OTOGL: variants seen among roughly 807,000 people sequenced by gnomAD.
OTOGL encodes the protein otogelin-like protein.
OTOGL carries 285 observed loss-of-function variants against 318.5 expected under a neutral mutation model. The observed-to-expected ratio is 0.89, with a 90% CI of 0.81 to 0.99. OTOGL has a LOEUF of 0.99. Ranked by LOEUF, OTOGL falls within the 50% of genes least tolerant of loss-of-function variation. OTOGL has a pLI of 0.00. For missense variants in OTOGL, 2,899 were observed against 2,845.6 expected, an observed-to-expected ratio of 1.02 and a Z score of -0.43; for synonymous variants, 987 against 936.5, an observed-to-expected ratio of 1.05 and a Z score of -0.99.
intron 1 of OTOGL, among the ~76,000 whole-genome samples, chr12:80,196,268 C>T (rs1483521242): frequency 6.6e-6 from 1 of 152,176 alleles, no homozygotes; most frequent in Non-Finnish European, 1.5e-5. Flanking sequence ...GCAGTCAATG[C>T]AATTTTTCCC....
At chr12:80,256,534 C>T in intron 17 of OTOGL, 74 bp downstream of exon 17, 2 of 1,460,626 alleles carry the variant, frequency 1.4e-6, no homozygotes, top group South Asian at 2.7e-5. Flanking sequence ...CACACGCAAA[C>T]AAAATGGGAT....
intron 1 of OTOGL, among the ~76,000 whole-genome samples, chr12:80,126,161 T>C (rs113651768): frequency 6.7e-4 from 102 of 152,336 alleles, no homozygotes; most frequent in African/African-American, 2.3e-3. Context: ...TTTCCTGCTT[T>C]CTCTTGTGGG....
In OTOGL at chr12:80,355,741, A is replaced by G. The variant is rs759387361; in HGVS notation, c.5599A>G (p.Thr1867Ala). Residue 1867 changes from threonine to alanine, a missense_variant, in exon 47 of 59, where the codon ACT becomes GCT. Coordinates refer to ENST00000547103, the MANE Select transcript of OTOGL (RefSeq NM_001378609.3). ...QCIPEKECAC[T>A]DSEDQPRTAG... ...ATACTGTTGATCTTTTTAAGCATGC[A>G]CTGATAGTGAAGACCAACCCCGCAC... 1.9e-6 allele frequency: 3 copies of G among 1,612,346 alleles called. No homozygotes were observed. In the South Asian group the frequency reaches 3.3e-5, roughly 18 times the overall value.
chr12:80,172,413 A>G (rs929605907), intron 1 of OTOGL, among the ~76,000 whole-genome samples: 1 of 152,156 alleles, frequency 6.6e-6, no homozygotes, highest in Non-Finnish European at 1.5e-5. Context: ...CTAGCAGTTA[A>G]CAAGGCCCTT....
rs562059498 is a variant in OTOGL at position 80,236,658 on chromosome 12, T to C, written c.818-2193T>C. On this transcript the variant is annotated intron_variant, in intron 9 of 58. Coordinates refer to ENST00000547103, the MANE Select transcript of OTOGL (RefSeq NM_001378609.3). ...TAAGTGTACTTAAAAAGGACATCAG[T>C]TTTTCCATTTTTAAAAAGTATATTA... 6.6e-5 allele frequency among the ~76,000 whole-genome samples: 10 copies of C among 152,252 alleles called. No homozygotes were observed. The South Asian group carries it at 2.1e-3, about 32-fold the overall frequency.
intron 1 of OTOGL, among the ~76,000 whole-genome samples, chr12:80,110,120 T>C (rs1166515495): frequency 2.1e-5 from 3 of 143,512 alleles, no homozygotes; most frequent in Non-Finnish European, 4.5e-5. Context: ...CAGGCTGGAG[T>C]GCAGTGGCAC....
intron 49 of OTOGL, 47 bp from the exon 50 acceptor site, chr12:80,358,201 A>G (rs1592752691): frequency 7.2e-6 from 9 of 1,245,260 alleles, no homozygotes; most frequent in Non-Finnish European, 1.0e-5. Context: ...ATTATAATTC[A>G]TGGTTTTTAG....
intron 9 of OTOGL, among the ~76,000 whole-genome samples, chr12:80,238,448 TATA>T (rs1880058505): frequency 1.3e-5 from 2 of 152,170 alleles, no homozygotes; most frequent in Admixed American, 6.5e-5. Flanking sequence ...TAATATTAAA[TATA>T]ATGAGAGAGC....
At chr12:80,131,016 G>T (rs1226765070) in intron 1 of OTOGL, 1 of 152,170 alleles carries the variant, frequency 6.6e-6, no homozygotes, top group Non-Finnish European at 1.5e-5. Context: ...AGAGGTTACA[G>T]GAAGGATTCA....
At chr12:80,304,228 C>A (rs748728343) in intron 28 of OTOGL, among the ~76,000 whole-genome samples, 2 of 151,900 alleles carry the variant, frequency 1.3e-5, no homozygotes, top group African/African-American at 2.4e-5. Flanking sequence ...GGTTGAATAT[C>A]CAATCTGAGT....
At position 80,246,476 on chromosome 12, in the gene OTOGL, C is replaced by T. The variant is rs375178832; in HGVS notation, c.1053-5217C>T. Among the ~76,000 whole-genome samples, 628 of 127,964 alleles carry T rather than the reference C, an allele frequency of 4.9e-3. 4 individuals carry two copies. The highest frequency in any genetic ancestry group is 0.021 in the African/African-American group (567 of 27,030). 83.9% of individuals were successfully genotyped at this position (127,964 alleles called of 152,430 possible). On this transcript the variant is annotated intron_variant, in intron 11 of 58. Transcript: ENST00000547103. ...ATGCTGGATTACATTTATTGATTTG[C>T]GTATATTGAACCAGCCTTGCATCCC...
chr12:80,307,148 C>T (rs1336875000), intron 29 of OTOGL, among the ~76,000 whole-genome samples: 1 of 150,966 alleles, frequency 6.6e-6, no homozygotes, highest in Admixed American at 6.6e-5. Context: ...CAACAGGATC[C>T]CAAGGCAGAA....
At chr12:80,377,083 G>A (rs182628145) in intron 57 of OTOGL, 40 bp from the exon 58 acceptor site, 159 of 1,389,398 alleles carry the variant, frequency 1.1e-4, no homozygotes, top group African/African-American at 8.0e-4. Context: ...ACAATTTAAC[G>A]TAGGCCTTTG....
At position 80,275,313 on chromosome 12, in the gene OTOGL, A is replaced by G. The variant is rs76367594; in HGVS notation, c.2682-2855A>G. ...CCTCACGGATAACTTTGAGGGTTTT[A>G]AGATGTCAGTGGAGGAAGTAACTGC... On this transcript the variant is annotated intron_variant, in intron 24 of 58. Coordinates refer to ENST00000547103, the MANE Select transcript of OTOGL (RefSeq NM_001378609.3). 2.4e-3 allele frequency among the ~76,000 whole-genome samples: 367 copies of G among 152,112 alleles called. 3 individuals carry two copies. The highest frequency in any genetic ancestry group is 3.6e-3 in the Non-Finnish European group (247 of 67,922).
chr12:80,161,088 T>C (rs1456332002), intron 1 of OTOGL, among the ~76,000 whole-genome samples: 1 of 151,826 alleles, frequency 6.6e-6, no homozygotes, highest in Non-Finnish European at 1.5e-5. Flanking sequence ...GGGGAAAGGC[T>C]GGGAAGGGGG....
At chr12:80,256,205 C>A in intron 16 of OTOGL, 132 bp from the exon 17 acceptor site, 1 of 1,055,270 alleles carries the variant, frequency 9.5e-7, no homozygotes, top group Non-Finnish European at 1.3e-6. Context: ...AATTTATATG[C>A]ACTCTCTTTC....
intron 9 of OTOGL, among the ~76,000 whole-genome samples, chr12:80,234,098 T>C (rs1454092739): frequency 1.3e-5 from 2 of 152,174 alleles, no homozygotes; most frequent in Non-Finnish European, 2.9e-5. Context: ...CTATTTCTTT[T>C]CATTAAGATG....
chr12:80,375,865 A>G (rs892239107), intron 57 of OTOGL, among the ~76,000 whole-genome samples: 3 of 152,068 alleles, frequency 2.0e-5, no homozygotes, highest in Non-Finnish European at 2.9e-5. Context: ...CACTCAACCA[A>G]CAGCACTGAG....
At chr12:80,300,859 G>A (rs1484527676) in intron 27 of OTOGL, among the ~76,000 whole-genome samples, 1 of 152,198 alleles carries the variant, frequency 6.6e-6, no homozygotes, top group Non-Finnish European at 1.5e-5. Context: ...AAGAGAGCCA[G>A]CATAGCTGAA....
Sources: allele counts gnomAD v4.1 joint callset (sites outside exome capture counted in the v4.1 genomes callset), GRCh38; gene constraint gnomAD v4.1.1; transcripts MANE v1.5; gene names NCBI Gene and HGNC (gene_info 2026-07-23, HGNC 2026-07-21).